SEMA5A: variants seen among roughly 807,000 people sequenced by gnomAD.
SEMA5A encodes the protein semaphorin 5A, also known as semaphorin-5A.
SEMA5A carries 55 observed loss-of-function variants against 135.5 expected under a neutral mutation model. That is an observed-to-expected ratio of 0.41 (90% confidence interval 0.33 to 0.51). The LOEUF (loss-of-function observed/expected upper bound fraction) is 0.51, where lower values mean the gene tolerates loss of function less well. SEMA5A is among the 20% of genes least tolerant of loss of function. The pLI is 0.37. For missense variants in SEMA5A, 1,290 were observed against 1,419.9 expected (o/e 0.91, Z 1.47); for synonymous variants, 580 against 546.5 (o/e 1.06, Z -0.85).
intron 1 of SEMA5A, among the ~76,000 whole-genome samples, chr5:9,536,450 TA>T (rs1233778467): frequency 6.6e-6 from 1 of 151,880 alleles, no homozygotes; most frequent in Non-Finnish European, 1.5e-5. Flanking sequence ...CTGTCTCTAC[TA>T]AAAATACAAA....
At chr5:9,352,148 T>C (rs1390095175) in intron 3 of SEMA5A, among the ~76,000 whole-genome samples, 1 of 151,678 alleles carries the variant, frequency 6.6e-6, no homozygotes, top group Non-Finnish European at 1.5e-5. Flanking sequence ...TGTTCTCTTA[T>C]CTAGTGAAAT....
At chr5:9,079,918 G>A (rs192824068) in intron 16 of SEMA5A, among the ~76,000 whole-genome samples, 179 of 152,294 alleles carry the variant, frequency 1.2e-3, no homozygotes, top group South Asian at 2.7e-3. Flanking sequence ...AGAGGATGTG[G>A]AGAAATGGGA....
intron 3 of SEMA5A, among the ~76,000 whole-genome samples, chr5:9,369,750 G>C (rs10491234): frequency 0.037 from 5,526 of 151,096 alleles, 126 homozygotes; most frequent in South Asian, 0.075. Context: ...TTGTAGTGTA[G>C]GTCTTCCAAC....
rs540684728 is a variant in SEMA5A at position 9,407,660 on chromosome 5, C to T, written c.-77-27637G>A. Among the ~76,000 whole-genome samples, 5 of 152,278 alleles carry T rather than the reference C, an allele frequency of 3.3e-5. No individual in the cohort carries two copies. In the South Asian group the frequency reaches 1.0e-3, roughly 32 times the overall value. On this transcript the variant is annotated intron_variant, in intron 2 of 22. Coordinates refer to ENST00000382496, the MANE Select transcript of SEMA5A (RefSeq NM_003966.3). ...GTTCACCTGTGGAAGAGGGGCTATA[C>T]CTTCACAGGGATCAGCAATAAAGAA...
At chr5:9,066,201 G>A (rs1466611511) in intron 17 of SEMA5A, among the ~76,000 whole-genome samples, 6 of 152,218 alleles carry the variant, frequency 3.9e-5, no homozygotes, top group African/African-American at 1.4e-4. Context: ...CTGGGGGCCT[G>A]ATTTCATAGT....
At chr5:9,164,786 G>A (rs569154987) in intron 11 of SEMA5A, among the ~76,000 whole-genome samples, 1 of 152,200 alleles carries the variant, frequency 6.6e-6, no homozygotes, top group East Asian at 1.9e-4. Flanking sequence ...AAAGGTCTCT[G>A]ATTATAATGA....
intron 1 of SEMA5A, among the ~76,000 whole-genome samples, chr5:9,515,767 T>A (rs868233277): frequency 7.2e-5 from 11 of 152,316 alleles, no homozygotes; most frequent in African/African-American, 2.6e-4. Flanking sequence ...CAGCTTAATG[T>A]CAGTGTAAAA....
intron 5 of SEMA5A, among the ~76,000 whole-genome samples, chr5:9,302,288 A>C (rs999127297): frequency 1.3e-5 from 2 of 152,212 alleles, no homozygotes; most frequent in African/African-American, 4.8e-5. Context: ...CTACTGCATG[A>C]TATCACTGAC....
rs573276108 is a variant in SEMA5A, at chr5:9,152,388, T to C, written c.1481+2100A>G. 5.3e-5 allele frequency among the ~76,000 whole-genome samples: 8 copies of C among 152,334 alleles called. No homozygotes were observed. In the East Asian group the frequency reaches 1.5e-3, roughly 29 times the overall value. ...AAGAATAATTCCTTCCCTAGGCTAG[T>C]TCTGCAGGGAACACAAACCAGAACA... is the stretch of plus-strand genomic sequence containing the variant. On this transcript the variant is annotated intron_variant, in intron 12 of 22. Transcript: ENST00000382496.
intron 1 of SEMA5A, among the ~76,000 whole-genome samples, chr5:9,514,167 T>C (rs1391198555): frequency 6.6e-6 from 1 of 152,152 alleles, no homozygotes; most frequent in Non-Finnish European, 1.5e-5. Context: ...CTCTCTCTGC[T>C]CCATCTTCAC....
At chr5:9,416,869 A>C (rs79532555) in intron 2 of SEMA5A, among the ~76,000 whole-genome samples, 1 of 152,210 alleles carries the variant, frequency 6.6e-6, no homozygotes, top group African/African-American at 2.4e-5. Flanking sequence ...ACTGACAAGA[A>C]GGGATTATCC....
chr5:9,540,433 CA>C (rs11398489), intron 1 of SEMA5A, among the ~76,000 whole-genome samples: 1,911 of 144,594 alleles, frequency 0.013, 44 homozygotes, highest in African/African-American at 0.045. Flanking sequence ...ACTAAAAATT[CA>C]AAAAAAAAAA....
chr5:9,544,885 TG>T (rs1738296522), intron 1 of SEMA5A, among the ~76,000 whole-genome samples: 1 of 152,162 alleles, frequency 6.6e-6, no homozygotes, highest in African/African-American at 2.4e-5. Context: ...CCATTCCCTC[TG>T]GAGCCCGATC....
chr5:9,043,256 A>T lies in SEMA5A; in HGVS notation c.3106-240T>A, dbSNP rs139916873. The T allele has an allele frequency of 4.7e-5, 18 of 386,214 alleles. 1 individual carries two copies. The East Asian group carries it at 7.1e-4, about 15-fold the overall frequency. The allele number at this position is 386,214 out of a possible 1,614,324, so 23.9% of individuals were successfully genotyped here. On this transcript the variant is annotated intron_variant, in intron 22 of 22. Coordinates refer to ENST00000382496, the MANE Select transcript of SEMA5A (RefSeq NM_003966.3). ...GGTTAAGTTTTCAACTTTAGTTATGAAGTTACCACGAGAAGCAGGAGGTAA... is the reference window on the plus strand; with the variant it reads ...GGTTAAGTTTTCAACTTTAGTTATGTAGTTACCACGAGAAGCAGGAGGTAA...
At chr5:9,043,294 C>G (rs779040301) in intron 22 of SEMA5A, 11 of 309,262 alleles carry the variant, frequency 3.6e-5, no homozygotes, top group Non-Finnish European at 5.4e-5. Flanking sequence ...AAATCTAAAT[C>G]TAAATCTCTA....
chr5:9,256,689 T>A (rs1338949750), intron 5 of SEMA5A, among the ~76,000 whole-genome samples: 1 of 152,216 alleles, frequency 6.6e-6, no homozygotes, highest in South Asian at 2.1e-4. Flanking sequence ...TTCAACACTT[T>A]ATTTCCTGTA....
chr5:9,046,770 G>T (rs1322923954), intron 21 of SEMA5A, among the ~76,000 whole-genome samples: 1 of 152,208 alleles, frequency 6.6e-6, no homozygotes, highest in Non-Finnish European at 1.5e-5. Flanking sequence ...TTTGGAGCTG[G>T]ATCTGCCCCT....
rs76992273 is a variant in SEMA5A at position 9,285,605 on chromosome 5, C to G, written c.270+32767G>C. On this transcript the variant is annotated intron_variant, in intron 5 of 22. Coordinates refer to ENST00000382496, the MANE Select transcript of SEMA5A (RefSeq NM_003966.3). ...TTCTTCTCCAAGCCAGACTTAAACA[C>G]CAGCTCACAAGTTCCCACAACATCT... 3.6e-3 allele frequency among the ~76,000 whole-genome samples: 544 copies of G among 152,356 alleles called. 5 individuals carry two copies. The highest frequency in any genetic ancestry group is 0.012 in the African/African-American group (517 of 41,588).
chr5:9,284,028 T>C (rs1014013084), intron 5 of SEMA5A, among the ~76,000 whole-genome samples: 1 of 151,324 alleles, frequency 6.6e-6, no homozygotes, highest in Non-Finnish European at 1.5e-5. Flanking sequence ...AGATGATAGA[T>C]AACAGATGAT....
Sources: gnomAD v4.1 joint callset for allele counts (sites outside exome capture counted in the v4.1 genomes callset) on GRCh38, gnomAD v4.1.1 for gene constraint, MANE v1.5 for transcripts, NCBI Gene and HGNC (gene_info 2026-07-23, HGNC 2026-07-21) for gene names.